Variants in MCTP2 observed in about 807,000 individuals in gnomAD.
The protein encoded by MCTP2 is multiple C2 and transmembrane domain-containing protein 2.
A neutral mutation model predicts 111.6 loss-of-function variants in MCTP2; 132 were observed. The ratio of observed to expected loss-of-function variants is 1.18; its 90% CI spans 1.03 to 1.37. The LOEUF (loss-of-function observed/expected upper bound fraction) is 1.37. Ranked by LOEUF, MCTP2 falls within the 40% of genes most tolerant of loss-of-function variation. The pLI, the probability that MCTP2 is intolerant of heterozygous loss-of-function variation, is 0.00. For synonymous variants in MCTP2, 395 were observed against 387.7 expected (o/e 1.02, Z -0.22); for missense variants, 1,183 against 1,067.9 (o/e 1.11, Z -1.50).
intron 20 of MCTP2, among the ~76,000 whole-genome samples, chr15:94,465,126 A>G (rs987014793): frequency 5.3e-5 from 8 of 152,054 alleles, no homozygotes; most frequent in African/African-American, 1.9e-4. Context: ...AAGCTACATT[A>G]TTTGGTTTGT....
At chr15:94,349,681 G>A (rs1031468242) in intron 8 of MCTP2, among the ~76,000 whole-genome samples, 3 of 151,946 alleles carry the variant, frequency 2.0e-5, no homozygotes, top group Admixed American at 6.6e-5. Flanking sequence ...TTAGCCGGGC[G>A]TGGTGGCATG....
At chr15:94,445,332 A>G (rs1346748841) in intron 19 of MCTP2, among the ~76,000 whole-genome samples, 1 of 152,174 alleles carries the variant, frequency 6.6e-6, no homozygotes, top group East Asian at 1.9e-4. Context: ...AAATATAACC[A>G]TGGTGGTTTT....
chr15:94,405,433 G>A (rs1382350191), intron 17 of MCTP2, among the ~76,000 whole-genome samples: 1 of 152,116 alleles, frequency 6.6e-6, no homozygotes, highest in East Asian at 1.9e-4. Flanking sequence ...GTATCTTGTT[G>A]AAAGCAGCAG....
chr15:94,398,835 C>A (rs1596583205), intron 14 of MCTP2, 126 bp from the exon 15 acceptor site: 1 of 581,480 alleles, frequency 1.7e-6, no homozygotes. Context: ...TTTAATATTT[C>A]TTTAATGTTT....
intron 1 of MCTP2, among the ~76,000 whole-genome samples, chr15:94,271,613 A>G (rs192950185): frequency 1.3e-5 from 2 of 152,166 alleles, no homozygotes; most frequent in Non-Finnish European, 2.9e-5. Flanking sequence ...TACTGGCTTG[A>G]TGTTTTAGAA....
At chr15:94,294,059 C>T (rs763819938) in intron 1 of MCTP2, among the ~76,000 whole-genome samples, 27 of 152,310 alleles carry the variant, frequency 1.8e-4, no homozygotes, top group Non-Finnish European at 3.4e-4. Context: ...CTGACATGTG[C>T]AGCAACTGGA....
intron 1 of MCTP2, among the ~76,000 whole-genome samples, chr15:94,285,361 A>G (rs923286469): frequency 1.1e-4 from 16 of 152,086 alleles, no homozygotes; most frequent in African/African-American, 3.6e-4. Context: ...GTTTGCATAC[A>G]GTTTGTGCAT....
chr15:94,380,176 T>C (rs2080050306), intron 12 of MCTP2, among the ~76,000 whole-genome samples: 1 of 152,114 alleles, frequency 6.6e-6, no homozygotes, highest in South Asian at 2.1e-4. Flanking sequence ...AGAGCATACA[T>C]ATATTGGGTG....
At chr15:94,438,678 T>C (rs532193215) in intron 17 of MCTP2, among the ~76,000 whole-genome samples, 1 of 152,274 alleles carries the variant, frequency 6.6e-6, no homozygotes, top group East Asian at 1.9e-4. Flanking sequence ...CCTGTTAAAA[T>C]TGCTGGACAA....
intron 1 of MCTP2, chr15:94,232,095 A>G (rs984929252): frequency 6.6e-6 from 1 of 152,136 alleles, no homozygotes; most frequent in African/African-American, 2.4e-5. Context: ...CATTTGCTCA[A>G]CGACACCGGA....
At chr15:94,462,372 T>C (rs2085268668) in intron 20 of MCTP2, among the ~76,000 whole-genome samples, 1 of 152,228 alleles carries the variant, frequency 6.6e-6, no homozygotes, top group Non-Finnish European at 1.5e-5. Context: ...GGGATTACCT[T>C]CTGAGGATTT....
chr15:94,425,588 A>G (rs1392015643), intron 17 of MCTP2, among the ~76,000 whole-genome samples: 3 of 152,172 alleles, frequency 2.0e-5, no homozygotes, highest in Non-Finnish European at 4.4e-5. Flanking sequence ...AGTAAAATCA[A>G]AAGAAAAAAC....
intron 17 of MCTP2, among the ~76,000 whole-genome samples, chr15:94,403,581 CAG>C (rs1298440100): frequency 2.0e-5 from 3 of 152,160 alleles, no homozygotes; most frequent in Non-Finnish European, 4.4e-5. Context: ...AGGGAGATGA[CAG>C]AAATGATTAA....
intron 1 of MCTP2, among the ~76,000 whole-genome samples, chr15:94,256,697 T>C (rs2072793709): frequency 6.6e-6 from 1 of 152,218 alleles, no homozygotes; most frequent in Non-Finnish European, 1.5e-5. Flanking sequence ...CTTGCCCATG[T>C]TCCTCTTTCC....
chr15:94,297,734 C>T (rs1010396758), intron 1 of MCTP2, among the ~76,000 whole-genome samples: 1 of 152,160 alleles, frequency 6.6e-6, no homozygotes, highest in South Asian at 2.1e-4. Context: ...CGACAGACAC[C>T]ATCTGGCCCA....
At chr15:94,450,059 C>CT (rs1412956425) in intron 19 of MCTP2, among the ~76,000 whole-genome samples, 2 of 151,754 alleles carry the variant, frequency 1.3e-5, no homozygotes, top group African/African-American at 4.8e-5. Flanking sequence ...CTGTGTATTC[C>CT]TTTTACTTTT....
At chr15:94,407,829 G>A (rs965773871) in intron 17 of MCTP2, among the ~76,000 whole-genome samples, 1 of 148,482 alleles carries the variant, frequency 6.7e-6, no homozygotes, top group Non-Finnish European at 1.5e-5. Context: ...GCATGAACAC[G>A]AAGAAGCAGA....
At chr15:94,382,674 G>C (rs966229417) in intron 12 of MCTP2, among the ~76,000 whole-genome samples, 2 of 152,246 alleles carry the variant, frequency 1.3e-5, no homozygotes, top group East Asian at 3.8e-4. Flanking sequence ...TCAGTGACCC[G>C]AATGGTAGGC....
At chr15:94,458,796 G>A (rs941359450) in intron 20 of MCTP2, among the ~76,000 whole-genome samples, 2 of 152,210 alleles carry the variant, frequency 1.3e-5, no homozygotes, top group Non-Finnish European at 2.9e-5. Flanking sequence ...AGCTTTATGG[G>A]ACATATGGTC....
Sources: allele counts gnomAD v4.1 joint callset (sites outside exome capture counted in the v4.1 genomes callset), GRCh38; gene constraint gnomAD v4.1.1; transcripts MANE v1.5; gene names NCBI Gene and HGNC (gene_info 2026-07-23, HGNC 2026-07-21).